SLC25A14: variants seen among roughly 807,000 people sequenced by gnomAD.
SLC25A14 encodes solute carrier family 25 member 14, also known as brain mitochondrial carrier protein 1.
In SLC25A14, 8 loss-of-function variants were observed where a neutral mutation model predicts 28.1. The observed-to-expected ratio is 0.28, with a 90% CI of 0.17 to 0.51. SLC25A14 has a LOEUF of 0.51. Ranked by LOEUF, SLC25A14 falls within the 20% of genes least tolerant of loss-of-function variation. The pLI, the probability that SLC25A14 is intolerant of heterozygous loss-of-function variation, is 0.97. For synonymous variants in SLC25A14, 74 were observed against 90.6 expected (o/e 0.82, Z 1.04); for missense variants, 135 against 263.8 (o/e 0.51, Z 3.38).
chrX:130,358,944 C>T, intron 7 of SLC25A14: 1 of 813,538 alleles, frequency 1.2e-6, no homozygotes, highest in Non-Finnish European at 1.8e-6. Flanking sequence ...AAAGTTATTA[C>T]ATTATTTGAG....
intron 8 of SLC25A14, 99 bp downstream of exon 8, chrX:130,364,851 A>G (rs1194936174): frequency 8.8e-7 from 1 of 1,131,053 alleles, no homozygotes; most frequent in Non-Finnish European, 1.2e-6. Flanking sequence ...ACTGGTACGT[A>G]TGGCCTAAAT....
chrX:130,367,739 T>A lies in SLC25A14; in HGVS notation c.855+2063T>A, dbSNP rs183060075. On this transcript the variant is annotated intron_variant, in intron 9 of 10. Transcript: ENST00000545805. The stretch of plus-strand genomic sequence containing the variant: ...AAAAGCCCCCATTGGTATTTCTGCA[T>A]TTGACAATTACTGGTGTAGAGGGAA... Among the ~76,000 whole-genome samples the A allele has an allele frequency of 6.1e-3, 690 of 112,373 alleles. 6 individuals are homozygous for A. The highest frequency in any genetic ancestry group is 0.021 in the African/African-American group (635 of 30,929).
At chrX:130,363,341 A>G (rs955164778) in intron 7 of SLC25A14, among the ~76,000 whole-genome samples, 1 of 112,258 alleles carries the variant, frequency 8.9e-6, no homozygotes, top group African/African-American at 3.2e-5. Flanking sequence ...TAGCATACTG[A>G]TTTTAAGGTT....
chrX:130,348,788 C>A (rs868127224), intron 4 of SLC25A14, among the ~76,000 whole-genome samples: 1,422 of 82,161 alleles, frequency 0.017, 86 homozygotes, highest in African/African-American at 0.065. Flanking sequence ...CTACCCCCCC[C>A]CCCCCTTTTT....
At chrX:130,372,616 C>T (rs2034293805) in intron 10 of SLC25A14, among the ~76,000 whole-genome samples, 1 of 109,185 alleles carries the variant, frequency 9.2e-6, no homozygotes, top group African/African-American at 3.3e-5. Context: ...GCACCCGCCA[C>T]CACACCCGGC....
intron 9 of SLC25A14, among the ~76,000 whole-genome samples, chrX:130,367,189 T>C (rs1008911566): frequency 1.8e-5 from 2 of 112,139 alleles, no homozygotes; most frequent in African/African-American, 6.5e-5. Flanking sequence ...AGAAGGCTCT[T>C]GTAATCTGAG....
At chrX:130,367,064 G>A (rs1194824627) in intron 9 of SLC25A14, among the ~76,000 whole-genome samples, 1 of 112,350 alleles carries the variant, frequency 8.9e-6, no homozygotes, top group Non-Finnish European at 1.9e-5. Flanking sequence ...GATTTAGTAA[G>A]TATGGAGTGG....
chrX:130,340,182 C>T lies in SLC25A14; in HGVS notation c.-97C>T, dbSNP rs2033200263. The T allele has an allele frequency of 2.6e-5, 30 of 1,171,700 alleles. No individual in the cohort carries two copies. The highest frequency in any genetic ancestry group is 3.4e-5 in the Non-Finnish European group (30 of 879,390). On this transcript the variant is annotated 5_prime_UTR_variant, in exon 2 of 11. Coordinates refer to ENST00000545805, the MANE Select transcript of SLC25A14 (RefSeq NM_001282195.2). ...TTCGATTGAACCCTGCTTCCTCGAC[C>T]CCCCTGGGAGGCCGCCTTCTTCAGG...
At position 130,349,322 on chromosome X, in the gene SLC25A14, G is replaced by A. The variant is rs773354591; in HGVS notation, c.389G>A (p.Arg130His). 11 of 1,184,962 alleles carry A rather than the reference G, an allele frequency of 9.3e-6. No homozygotes were observed. Among genetic ancestry groups the A allele is most frequent in the Admixed American group, 2.2e-5 (1 of 45,156 alleles). Residue 130 changes from arginine (R) to histidine (H), a missense_variant, in exon 5 of 11, where the codon CGC becomes CAC. Transcript: ENST00000545805. The part of the protein sequence containing the change: ...IKIGIYQSLK[R>H]LFVERLEDET... ...ATTGGGATTTACCAAAGCTTGAAGC[G>A]CTTATTCGTAGAACGTTTAGAAGGT...
rs2033207188 is a variant in SLC25A14, at chrX:130,340,361, A to C, written c.75+8A>C. On this transcript the variant is annotated splice_region_variant and intron_variant, in intron 2 of 10. Transcript: ENST00000545805. ...GCCGTGATTGTAAGCGGAGTAAGCA[A>C]ACACCTCCATTGTATTAGTGTAAGG... The C allele has an allele frequency of 8.3e-7, 1 of 1,210,666 alleles. No individual in the cohort carries two copies. The highest frequency in any genetic ancestry group is 1.7e-5 in the African/African-American group (1 of 57,706).
chrX:130,340,015 G>A, intron 1 of SLC25A14, 39 bp downstream of exon 1: 1 of 980,107 alleles, frequency 1.0e-6, no homozygotes, highest in Non-Finnish European at 1.3e-6. Context: ...TGGGGAGCGG[G>A]GCTGGGCCGC....
chrX:130,363,580 G>A (rs917988603), intron 7 of SLC25A14, among the ~76,000 whole-genome samples: 5 of 111,612 alleles, frequency 4.5e-5, no homozygotes, highest in Non-Finnish European at 7.5e-5. Flanking sequence ...AGAATTGCTC[G>A]CTCATATGGT....
intron 3 of SLC25A14, 83 bp from the exon 4 acceptor site, chrX:130,346,461 A>G: frequency 2.4e-6 from 2 of 833,696 alleles, no homozygotes; most frequent in Non-Finnish European, 3.5e-6. Context: ...CTTAGGATTC[A>G]AATATTGTCC....
At chrX:130,349,012 T>C (rs2033543095) in intron 4 of SLC25A14, among the ~76,000 whole-genome samples, 1 of 110,451 alleles carries the variant, frequency 9.1e-6, no homozygotes, top group Admixed American at 9.7e-5. Flanking sequence ...TGATTTCTGG[T>C]TTGATTCCAT....
chrX:130,357,641 C>T (rs1398780101), intron 6 of SLC25A14, among the ~76,000 whole-genome samples: 1 of 111,999 alleles, frequency 8.9e-6, no homozygotes. Context: ...TGCATAAAAG[C>T]ATGTTGCCAT....
intron 7 of SLC25A14, among the ~76,000 whole-genome samples, chrX:130,363,441 C>T (rs772532898): frequency 8.9e-6 from 1 of 112,144 alleles, no homozygotes; most frequent in Non-Finnish European, 1.9e-5. Context: ...TGTATTTGTC[C>T]CTTCATCAAT....
intron 9 of SLC25A14, among the ~76,000 whole-genome samples, chrX:130,366,285 G>A (rs1046120333): frequency 4.5e-5 from 5 of 112,211 alleles, no homozygotes; most frequent in African/African-American, 1.6e-4. Context: ...AAGTACTATA[G>A]GTATACAAAC....
intron 6 of SLC25A14, among the ~76,000 whole-genome samples, chrX:130,358,058 G>A (rs1298800215): frequency 8.9e-6 from 1 of 111,988 alleles, no homozygotes; most frequent in Non-Finnish European, 1.9e-5. Flanking sequence ...ACCACTGTAA[G>A]TATTTAGTTT....
Position 130,339,963 on chromosome X carries a change from A to T in SLC25A14, c.-186A>T, listed in dbSNP as rs2033190039. The T allele has an allele frequency of 1.2e-6, 1 of 865,014 alleles. No individual in the cohort carries two copies. Among genetic ancestry groups the T allele is most frequent in the Non-Finnish European group, 1.4e-6 (1 of 711,308 alleles). 71.3% of individuals were successfully genotyped at this position (865,014 alleles called of 1,213,427 possible). On this transcript the variant is annotated 5_prime_UTR_variant, in exon 1 of 11. An upstream start codon of the reference 5' UTR is lost. Transcript: ENST00000545805. ...GGAGCCTCAGCTTCCCAGTCGTCCG[A>T]TGAGCCCGAGCAGGTGAGGGGGAGC...
Sources: allele counts gnomAD v4.1 joint callset (sites outside exome capture counted in the v4.1 genomes callset), GRCh38; gene constraint gnomAD v4.1.1; transcripts MANE v1.5; gene names NCBI Gene and HGNC (gene_info 2026-07-23, HGNC 2026-07-21).